GABBR2: variants seen among roughly 807,000 people sequenced by gnomAD.
The protein encoded by GABBR2 is G-protein coupled receptor 51.
GABBR2 carries 23 observed loss-of-function variants against 105.6 expected under a neutral mutation model. The observed-to-expected ratio is 0.22, with a 90% CI of 0.16 to 0.31. The LOEUF (loss-of-function observed/expected upper bound fraction) is 0.31. Among genes scored for constraint, GABBR2 ranks in the 10% least tolerant of loss-of-function variants. The probability of loss-of-function intolerance (pLI) is 1.00; values close to 1 mark genes in which losing one functional copy is unlikely to be tolerated. For synonymous variants in GABBR2, 478 were observed against 499.7 expected (o/e 0.96, Z 0.58); for missense variants, 734 against 1,245.5 (o/e 0.59, Z 6.18).
chr9:98,357,683 A>G (rs1588119713), intron 13 of GABBR2, among the ~76,000 whole-genome samples: 1 of 151,454 alleles, frequency 6.6e-6, no homozygotes. Flanking sequence ...AACAACAACA[A>G]AAAAAAAAAC....
chr9:98,403,097 C>T (rs901383414), intron 8 of GABBR2, among the ~76,000 whole-genome samples: 2 of 151,984 alleles, frequency 1.3e-5, no homozygotes, highest in Admixed American at 6.6e-5. Flanking sequence ...AGTTCGAGAC[C>T]AGCCTGGCCA....
At chr9:98,484,774 TA>T (rs1827007722) in intron 4 of GABBR2, among the ~76,000 whole-genome samples, 1 of 152,194 alleles carries the variant, frequency 6.6e-6, no homozygotes, top group South Asian at 2.1e-4. Context: ...TGGGGAATCT[TA>T]ATAGTTTTTC....
chr9:98,485,206 T>A (rs1827017992), intron 4 of GABBR2, among the ~76,000 whole-genome samples: 1 of 152,020 alleles, frequency 6.6e-6, no homozygotes, highest in Admixed American at 6.5e-5. Flanking sequence ...TTGGAGACCA[T>A]ACATGGAGAC....
At chr9:98,489,782 G>A (rs993804991) in intron 4 of GABBR2, among the ~76,000 whole-genome samples, 4 of 152,030 alleles carry the variant, frequency 2.6e-5, no homozygotes, top group South Asian at 2.1e-4. Context: ...GTCCAACCCC[G>A]GGTCTACTTG....
chr9:98,422,891 T>C (rs536500713), intron 7 of GABBR2, among the ~76,000 whole-genome samples: 1 of 152,132 alleles, frequency 6.6e-6, no homozygotes. Flanking sequence ...GATAGTTTAC[T>C]GAGAATGATG....
intron 7 of GABBR2, among the ~76,000 whole-genome samples, chr9:98,419,200 G>C (rs1832739918): frequency 1.3e-5 from 2 of 152,218 alleles, no homozygotes; most frequent in Non-Finnish European, 2.9e-5. Context: ...ATGCAGATCA[G>C]AGAAATAGGA....
At chr9:98,326,107 G>A (rs1405802909) in intron 13 of GABBR2, among the ~76,000 whole-genome samples, 1 of 152,212 alleles carries the variant, frequency 6.6e-6, no homozygotes, top group Non-Finnish European at 1.5e-5. Flanking sequence ...ATTGGGAAGA[G>A]CCAAATGAGA....
chr9:98,680,815 A>G (rs1830535973), intron 1 of GABBR2, among the ~76,000 whole-genome samples: 1 of 152,212 alleles, frequency 6.6e-6, no homozygotes. Flanking sequence ...CCTATGGAAT[A>G]GAAGTTCAGA....
At chr9:98,618,067 G>C (rs1387990247) in intron 1 of GABBR2, among the ~76,000 whole-genome samples, 1 of 152,182 alleles carries the variant, frequency 6.6e-6, no homozygotes, top group Non-Finnish European at 1.5e-5. Context: ...GAGTAGCTGT[G>C]GTTCTTATTC....
At chr9:98,470,382 G>A (rs1826647124) in intron 6 of GABBR2, among the ~76,000 whole-genome samples, 1 of 152,156 alleles carries the variant, frequency 6.6e-6, no homozygotes, top group South Asian at 2.1e-4. Flanking sequence ...TCACATGGTG[G>A]CAGACAAGAG....
At chr9:98,524,573 C>T (rs748650227) in intron 3 of GABBR2, among the ~76,000 whole-genome samples, 3 of 152,196 alleles carry the variant, frequency 2.0e-5, no homozygotes, top group Non-Finnish European at 2.9e-5. Context: ...CTGCACTCTC[C>T]CTCAAGTTGA....
intron 2 of GABBR2, among the ~76,000 whole-genome samples, chr9:98,560,485 A>C (rs899898013): frequency 2.6e-5 from 4 of 151,228 alleles, no homozygotes; most frequent in Non-Finnish European, 5.9e-5. Flanking sequence ...ACACATATAC[A>C]CACACACACA....
At chr9:98,637,126 C>T (rs959503582) in intron 1 of GABBR2, among the ~76,000 whole-genome samples, 1 of 152,190 alleles carries the variant, frequency 6.6e-6, no homozygotes, top group Non-Finnish European at 1.5e-5. Flanking sequence ...CTGAAAACTT[C>T]CTCCTGTGCC....
chr9:98,371,668 GA>G, intron 11 of GABBR2, 97 bp from the exon 12 acceptor site: 1 of 696,700 alleles, frequency 1.4e-6, no homozygotes. Context: ...TTATGATGGG[GA>G]CAAATACTCC....
chr9:98,439,618 G>T (rs1408356790), intron 7 of GABBR2, among the ~76,000 whole-genome samples: 3 of 152,190 alleles, frequency 2.0e-5, no homozygotes, highest in African/African-American at 7.2e-5. Flanking sequence ...ATTTAGGGAT[G>T]TGTGTGTGCA....
At chr9:98,422,758 C>G (rs1303904535) in intron 7 of GABBR2, among the ~76,000 whole-genome samples, 1 of 136,434 alleles carries the variant, frequency 7.3e-6, no homozygotes, top group Non-Finnish European at 1.5e-5. Context: ...CTATCCCTCC[C>G]CCCTCCCCCT....
At chr9:98,408,772 GA>G (rs1168926069) in intron 7 of GABBR2, among the ~76,000 whole-genome samples, 1 of 152,156 alleles carries the variant, frequency 6.6e-6, no homozygotes, top group Admixed American at 6.5e-5. Flanking sequence ...AGGGTGATGG[GA>G]AAAGGAAGTC....
chr9:98,518,293 T>C (rs1827799547), intron 3 of GABBR2, among the ~76,000 whole-genome samples: 1 of 152,228 alleles, frequency 6.6e-6, no homozygotes, highest in South Asian at 2.1e-4. Flanking sequence ...ATGCCGTCTG[T>C]TTCTTGCCAG....
At chr9:98,702,110 G>A (rs1384952618) in intron 1 of GABBR2, among the ~76,000 whole-genome samples, 3 of 152,088 alleles carry the variant, frequency 2.0e-5, no homozygotes, top group African/African-American at 7.2e-5. Flanking sequence ...AGGTCACCAA[G>A]CAGGTGAGTG....
Sources: allele counts gnomAD v4.1 joint callset (sites outside exome capture counted in the v4.1 genomes callset), GRCh38; gene constraint gnomAD v4.1.1; transcripts MANE v1.5; gene names NCBI Gene and HGNC (gene_info 2026-07-23, HGNC 2026-07-21).